Variants in PSIP1 observed in about 807,000 individuals in gnomAD.
PSIP1 encodes the protein PC4 and SRSF1 interacting protein 1.
In PSIP1, 19 loss-of-function variants were observed where a neutral mutation model predicts 74.7. The observed-to-expected ratio is 0.25, with a 90% CI of 0.18 to 0.37. PSIP1 has a LOEUF of 0.37. PSIP1 is among the 10% of genes least tolerant of loss of function. The pLI, the probability that PSIP1 is intolerant of heterozygous loss-of-function variation, is 1.00. For synonymous variants in PSIP1, 222 were observed against 195.3 expected, an observed-to-expected ratio of 1.14 and a Z score of -1.14; for missense variants, 601 against 614.3, an observed-to-expected ratio of 0.98 and a Z score of 0.23.
Position 15,468,640 on chromosome 9 carries a change from C to T in PSIP1, c.1410G>A (p.Lys470=). ...GKKGPNKKLE[K]EQTGSKTLNG... ...CTTTTTACCACATACCTGTTTGTTC[C>T]TTCTCTAGCTTTTTGTTTGGCCCTT... The change falls in exon 14 of 16, where the codon AAG becomes AAA. Residue 470 remains lysine (K), a synonymous_variant. Coordinates refer to ENST00000380733, the MANE Select transcript of PSIP1 (RefSeq NM_033222.5). 3.7e-6 allele frequency: 6 copies of T among 1,613,894 alleles called. No individual in the cohort carries two copies. Among genetic ancestry groups the T allele is most frequent in the Non-Finnish European group, 4.2e-6 (5 of 1,179,854 alleles).
At chr9:15,471,042 A>G in intron 10 of PSIP1, 1 of 1,450,854 alleles carries the variant, frequency 6.9e-7, no homozygotes, top group Non-Finnish European at 9.1e-7. Flanking sequence ...ATTAATAATG[A>G]AGTCCTCAAT....
intron 3 of PSIP1, among the ~76,000 whole-genome samples, chr9:15,498,056 C>A (rs1389574218): frequency 6.6e-6 from 1 of 152,122 alleles, no homozygotes; most frequent in East Asian, 1.9e-4. Flanking sequence ...TATAAAATCA[C>A]ACTGCTATAA....
rs144653662 is a variant in PSIP1, at chr9:15,504,526, A to C, written c.149+2035T>G. Among the ~76,000 whole-genome samples, 20 of 152,280 alleles carry C rather than the reference A, an allele frequency of 1.3e-4. No individual in the cohort carries two copies. In the East Asian group the frequency reaches 3.9e-3, roughly 29 times the overall value. The stretch of plus-strand genomic sequence containing the variant: ...GCCGAGGTGGGCAGATCACGAGGTC[A>C]GGAGATCGAGACCATCCTGGCTAAC... On this transcript the variant is annotated intron_variant, in intron 3 of 15. Coordinates refer to ENST00000380733, the MANE Select transcript of PSIP1 (RefSeq NM_033222.5).
intron 15 of PSIP1, 26 bp downstream of exon 15, chr9:15,466,722 A>G (rs777246874): frequency 6.5e-7 from 1 of 1,546,048 alleles, no homozygotes; most frequent in Non-Finnish European, 8.9e-7. Flanking sequence ...AAAAACACAC[A>G]AGACCCATTA....
Position 15,510,269 on chromosome 9 carries a change from CGGGCCCAGCTA to C in PSIP1, c.-92_-82del, listed in dbSNP as rs2037798905. ...GGCGCGGGGATGCGGGCGGCGGACG[CGGGCCCAGCTA>C]CCGGGCCCGCGGGCGGGGGAGGATG... On this transcript the variant is annotated 5_prime_UTR_variant, in exon 2 of 16. Coordinates refer to ENST00000380733, the MANE Select transcript of PSIP1 (RefSeq NM_033222.5). The C allele has an allele frequency of 1.5e-6, 2 of 1,297,352 alleles. No individual in the cohort carries two copies. Among genetic ancestry groups the C allele is most frequent in the Non-Finnish European group, 2.1e-6 (2 of 942,540 alleles). The allele number at this position is 1,297,352 out of a possible 1,614,324, so 80.4% of individuals were successfully genotyped here.
chr9:15,469,069 A>G lies in PSIP1; in HGVS notation c.1105-11T>C, dbSNP rs778622627. 3 of 1,606,852 alleles carry G rather than the reference A, an allele frequency of 1.9e-6. No homozygotes were observed. The highest frequency in any genetic ancestry group is 1.7e-6 in the Non-Finnish European group (2 of 1,175,724). On this transcript the variant is annotated splice_polypyrimidine_tract_variant and intron_variant, in intron 12 of 15. Coordinates refer to ENST00000380733, the MANE Select transcript of PSIP1 (RefSeq NM_033222.5). ...GCATCTGTTCACATCCTTCATGACA[A>G]AACAGTAATTTCATAGCTGTTAATT...
chr9:15,477,123 GAAT>G (rs371995437), intron 8 of PSIP1, among the ~76,000 whole-genome samples: 45 of 152,182 alleles, frequency 3.0e-4, no homozygotes, highest in African/African-American at 1.0e-3. Flanking sequence ...ATTTCCTAGG[GAAT>G]AATGACTGCC....
rs1227236341 is a variant in PSIP1 at position 15,510,938 on chromosome 9, C to CGCCGCCGCT, written c.-272_-264dup. Reference sequence around the variant, plus strand: ...TCTCAACGGCTCGGAATCGCAACCGCGCCGCCGCTGCCGCCGCCGTAGCTG... The same window carrying CGCCGCCGCT: ...TCTCAACGGCTCGGAATCGCAACCGCGCCGCCGCTGCCGCCGCTGCCGCCGCCGTAGCTG... On this transcript the variant is annotated 5_prime_UTR_variant, in exon 1 of 16. Transcript: ENST00000380733. 1.3e-5 allele frequency: 2 copies of CGCCGCCGCT among 153,194 alleles called. No homozygotes were observed. The highest frequency in any genetic ancestry group is 1.3e-4 in the Admixed American group (2 of 15,282). The allele number at this position is 153,194 out of a possible 1,614,324, so 9.5% of individuals were successfully genotyped here.
At chr9:15,470,034 T>C (rs2035762216) in intron 10 of PSIP1, 41 bp from the exon 11 acceptor site, 1 of 1,517,792 alleles carries the variant, frequency 6.6e-7, no homozygotes, top group Non-Finnish European at 9.1e-7. Context: ...CATTGGAATT[T>C]TGTGACTAAA....
At chr9:15,495,297 A>G (rs2037023002) in intron 3 of PSIP1, among the ~76,000 whole-genome samples, 1 of 145,370 alleles carries the variant, frequency 6.9e-6, no homozygotes, top group Admixed American at 6.6e-5. Flanking sequence ...GTTACTGTAT[A>G]AAAGATAAAT....
intron 10 of PSIP1, chr9:15,472,156 CCT>C: frequency 1.0e-6 from 1 of 984,888 alleles, no homozygotes; most frequent in Non-Finnish European, 1.2e-6. Flanking sequence ...TAATGTACAC[CCT>C]GTCAGCCTTT....
At chr9:15,498,124 G>C (rs552807693) in intron 3 of PSIP1, among the ~76,000 whole-genome samples, 9 of 152,140 alleles carry the variant, frequency 5.9e-5, no homozygotes, top group African/African-American at 2.2e-4. Context: ...GAATAAGTGG[G>C]TCAAGCCGGG....
At chr9:15,466,646 A>C (rs2035645052) in intron 15 of PSIP1, 102 bp downstream of exon 15, 1 of 881,208 alleles carries the variant, frequency 1.1e-6, no homozygotes, top group Admixed American at 3.6e-5. Flanking sequence ...TGGGTGATCA[A>C]AAGATAACTG....
Position 15,497,814 on chromosome 9 carries a change from T to C in PSIP1, c.150-7690A>G, listed in dbSNP as rs1227850815. ...TTGACAATAACATATCCTATCAAAG[T>C]AAACTAATCCACAATCTCACCAACT... On this transcript the variant is annotated intron_variant, in intron 3 of 15. Transcript: ENST00000380733. 2.6e-5 allele frequency among the ~76,000 whole-genome samples: 4 copies of C among 152,302 alleles called. No individual in the cohort carries two copies. The South Asian group carries it at 8.3e-4, about 32-fold the overall frequency.
At chr9:15,490,191 A>C in intron 3 of PSIP1, 67 bp from the exon 4 acceptor site, 1 of 1,334,428 alleles carries the variant, frequency 7.5e-7, no homozygotes, top group Non-Finnish European at 9.9e-7. Flanking sequence ...TAGATAAGAC[A>C]CCCTATTACA....
intron 4 of PSIP1, among the ~76,000 whole-genome samples, chr9:15,487,316 T>C (rs2036598490): frequency 6.6e-6 from 1 of 152,038 alleles, no homozygotes; most frequent in African/African-American, 2.4e-5. Flanking sequence ...AAAACGTAGT[T>C]GGGCACTGTG....
In PSIP1 at chr9:15,484,029, G is replaced by C. The variant is rs541479222; in HGVS notation, c.456+1977C>G. ...TGTAATCCCAGCTACTCAGGAGGCT[G>C]AGTGAGGCAGGAGAATCGCTTGAAC... On this transcript the variant is annotated intron_variant, in intron 6 of 15. Coordinates refer to ENST00000380733, the MANE Select transcript of PSIP1 (RefSeq NM_033222.5). 4.0e-5 allele frequency among the ~76,000 whole-genome samples: 6 copies of C among 151,368 alleles called. No homozygotes were observed. The South Asian group carries it at 1.0e-3, about 26-fold the overall frequency.
At chr9:15,496,170 A>G (rs1022810934) in intron 3 of PSIP1, among the ~76,000 whole-genome samples, 1 of 152,210 alleles carries the variant, frequency 6.6e-6, no homozygotes, top group African/African-American at 2.4e-5. Flanking sequence ...ACTAGCAGCA[A>G]ATGTTGTAGT....
intron 6 of PSIP1, 101 bp from the exon 7 acceptor site, chr9:15,479,788 A>G (rs1051368100): frequency 6.3e-6 from 5 of 797,066 alleles, no homozygotes; most frequent in African/African-American, 1.7e-5. Context: ...GTTGAGTTCA[A>G]GTATAGATAT....
Sources: allele counts gnomAD v4.1 joint callset (sites outside exome capture counted in the v4.1 genomes callset), GRCh38; gene constraint gnomAD v4.1.1; transcripts MANE v1.5; gene names NCBI Gene and HGNC (gene_info 2026-07-23, HGNC 2026-07-21).